The following COLEC12 variants were observed in gnomAD, a reference collection of about 807,000 sequenced individuals.
COLEC12 encodes collectin-12.
COLEC12 carries 33 observed loss-of-function variants against 71.1 expected under a neutral mutation model. The observed-to-expected ratio is 0.46, with a 90% CI of 0.35 to 0.62. The LOEUF is 0.62. COLEC12 is among the 20% of genes least tolerant of loss of function. The pLI is 0.00. For synonymous variants in COLEC12, 350 were observed against 353.0 expected (o/e 0.99, Z 0.10); for missense variants, 765 against 916.1 (o/e 0.84, Z 2.13).
intron 1 of COLEC12, among the ~76,000 whole-genome samples, chr18:499,121 T>G (rs949537765): frequency 6.6e-5 from 10 of 152,158 alleles, no homozygotes; most frequent in Non-Finnish European, 1.2e-4. Flanking sequence ...CTAGGGAGTC[T>G]CCTCAATCAG....
chr18:468,162 T>G (rs1020225191), intron 2 of COLEC12, among the ~76,000 whole-genome samples: 2 of 150,204 alleles, frequency 1.3e-5, no homozygotes, highest in Admixed American at 6.7e-5. Context: ...CTCGGGAGGC[T>G]GAGGCAGGAG....
intron 2 of COLEC12, among the ~76,000 whole-genome samples, chr18:424,956 G>C (rs529964548): frequency 6.6e-6 from 1 of 152,098 alleles, no homozygotes; most frequent in Non-Finnish European, 1.5e-5. Flanking sequence ...GAGAGGAGGC[G>C]AGCCGGGCGG....
Position 392,318 on chromosome 18 carries a change from C to T in COLEC12, c.59-34796G>A, listed in dbSNP as rs866780916. Among the ~76,000 whole-genome samples the T allele has an allele frequency of 2.0e-5, 3 of 152,130 alleles. No individual in the cohort carries two copies. The South Asian group carries it at 6.2e-4, about 32-fold the overall frequency. On this transcript the variant is annotated intron_variant, in intron 2 of 9. Transcript: ENST00000400256. ...CCTTGAAAGGTAAAAAATAACTGCA[C>T]TAAAATCAAAAGACCTGGGTTACAA...
intron 2 of COLEC12, among the ~76,000 whole-genome samples, chr18:437,904 G>A (rs1916438787): frequency 6.6e-6 from 1 of 152,152 alleles, no homozygotes; most frequent in African/African-American, 2.4e-5. Flanking sequence ...CGGGAAAACA[G>A]GATTTAAAGC....
intron 2 of COLEC12, among the ~76,000 whole-genome samples, chr18:465,245 G>C (rs1254093384): frequency 6.6e-6 from 1 of 152,122 alleles, no homozygotes; most frequent in Non-Finnish European, 1.5e-5. Flanking sequence ...TGGGATTACA[G>C]GCATGCACCA....
chr18:344,398 C>T (rs1384891919), intron 5 of COLEC12, among the ~76,000 whole-genome samples: 1 of 152,224 alleles, frequency 6.6e-6, no homozygotes, highest in Non-Finnish European at 1.5e-5. Context: ...GTCTTGTTCT[C>T]CACTGAACAG....
chr18:383,892 A>G (rs1306484262), intron 2 of COLEC12, among the ~76,000 whole-genome samples: 1 of 152,204 alleles, frequency 6.6e-6, no homozygotes, highest in Non-Finnish European at 1.5e-5. Context: ...GAGCAAAGTC[A>G]CATCTTACAT....
intron 2 of COLEC12, among the ~76,000 whole-genome samples, chr18:360,617 T>G (rs1018508339): frequency 1.3e-5 from 2 of 152,190 alleles, no homozygotes; most frequent in African/African-American, 4.8e-5. Flanking sequence ...CATCACATTG[T>G]TGAAATGCAG....
intron 2 of COLEC12, among the ~76,000 whole-genome samples, chr18:416,362 C>A (rs960526628): frequency 6.6e-6 from 1 of 152,104 alleles, no homozygotes; most frequent in African/African-American, 2.4e-5. Context: ...ATGAGATGAT[C>A]TGATATAGAG....
intron 2 of COLEC12, among the ~76,000 whole-genome samples, chr18:394,083 T>C (rs567583056): frequency 6.6e-6 from 1 of 152,340 alleles, no homozygotes; most frequent in African/African-American, 2.4e-5. Context: ...ATGCTTTTTT[T>C]CCTACAATGT....
At chr18:386,290 A>G (rs557694801) in intron 2 of COLEC12, among the ~76,000 whole-genome samples, 9 of 152,326 alleles carry the variant, frequency 5.9e-5, no homozygotes, top group Admixed American at 2.0e-4. Context: ...TGTTGTAACC[A>G]TACATGGGCA....
rs35766404 is a variant in COLEC12 at position 445,635 on chromosome 18, CT to C, written c.58+35071del. On this transcript the variant is annotated intron_variant, in intron 2 of 9. Coordinates refer to ENST00000400256, the MANE Select transcript of COLEC12 (RefSeq NM_130386.3). ...CAGCCCCCAGAAAACCACTAATCCA[CT>C]TTTTTTTTTTTTTGAGACAAGGTTT... Among the ~76,000 whole-genome samples the C allele has an allele frequency of 6.1e-3, 833 of 137,358 alleles. 16 individuals carry two copies. Among genetic ancestry groups the C allele is most frequent in the African/African-American group, 0.022 (783 of 36,112 alleles). 90.1% of individuals were successfully genotyped at this position (137,358 alleles called of 152,430 possible). A position where few individuals can be genotyped will look rare whatever the true frequency, so the allele number is the denominator to read the frequency against.
At chr18:450,822 AC>A (rs554600782) in intron 2 of COLEC12, among the ~76,000 whole-genome samples, 7 of 152,224 alleles carry the variant, frequency 4.6e-5, no homozygotes, top group Non-Finnish European at 8.8e-5. Context: ...AATCGTTGTG[AC>A]CAAAATGCTG....
At chr18:339,485 G>A (rs181265916) in intron 5 of COLEC12, among the ~76,000 whole-genome samples, 18 of 152,326 alleles carry the variant, frequency 1.2e-4, no homozygotes, top group Admixed American at 3.3e-4. Flanking sequence ...GGAAATGCAC[G>A]TTTTTGCCGT....
intron 2 of COLEC12, among the ~76,000 whole-genome samples, chr18:403,090 G>A (rs1915719468): frequency 1.3e-5 from 2 of 152,182 alleles, no homozygotes; most frequent in Admixed American, 1.3e-4. Flanking sequence ...AGTAAGAAGT[G>A]CAAACCGGCT....
chr18:406,049 T>C (rs1200897468), intron 2 of COLEC12, among the ~76,000 whole-genome samples: 3 of 152,050 alleles, frequency 2.0e-5, no homozygotes, highest in Non-Finnish European at 2.9e-5. Context: ...CAAAAACAGA[T>C]GGCAATGAGA....
At chr18:425,659 A>G (rs994224535) in intron 2 of COLEC12, among the ~76,000 whole-genome samples, 1 of 152,212 alleles carries the variant, frequency 6.6e-6, no homozygotes, top group Non-Finnish European at 1.5e-5. Flanking sequence ...GGTCATCAAC[A>G]TCACCATTGC....
intron 2 of COLEC12, among the ~76,000 whole-genome samples, chr18:459,251 T>C (rs1916931677): frequency 6.6e-6 from 1 of 152,200 alleles, no homozygotes; most frequent in Non-Finnish European, 1.5e-5. Context: ...ACAGGATGGC[T>C]CTTAGGTACA....
At chr18:497,959 T>C (rs1346161570) in intron 1 of COLEC12, among the ~76,000 whole-genome samples, 4 of 152,332 alleles carry the variant, frequency 2.6e-5, no homozygotes, top group African/African-American at 4.8e-5. Flanking sequence ...ACAGCACCAA[T>C]TGTGGGTTAC....
Sources: allele counts gnomAD v4.1 joint callset (sites outside exome capture counted in the v4.1 genomes callset), GRCh38; gene constraint gnomAD v4.1.1; transcripts MANE v1.5; gene names NCBI Gene and HGNC (gene_info 2026-07-23, HGNC 2026-07-21).